The following RGSL1 variants were observed in gnomAD, a reference collection of about 807,000 sequenced individuals.
The protein encoded by RGSL1 is regulator of G protein signaling like 1, also known as regulator of G protein signaling protein-like.
Under a neutral mutation model 124.7 loss-of-function variants are expected in RGSL1, and 97 were observed. That is an observed-to-expected ratio of 0.78 (90% CI 0.66 to 0.92). The LOEUF (loss-of-function observed/expected upper bound fraction) is 0.92, where lower values mean the gene tolerates loss of function less well. Ranked by LOEUF, RGSL1 falls within the 40% of genes least tolerant of loss-of-function variation. The pLI, the probability that RGSL1 is intolerant of heterozygous loss-of-function variation, is 0.00. For synonymous variants in RGSL1, 424 were observed against 438.1 expected, an observed-to-expected ratio of 0.97 and a Z score of 0.40; for missense variants, 1,233 against 1,288.4, an observed-to-expected ratio of 0.96 and a Z score of 0.66.
At chr1:182,539,058 A>C (rs1416632368) in intron 14 of RGSL1, among the ~76,000 whole-genome samples, 1 of 152,174 alleles carries the variant, frequency 6.6e-6, no homozygotes, top group African/African-American at 2.4e-5. Flanking sequence ...AATATCCTGA[A>C]ATTTTGTGAG....
chr1:182,503,837 G>C (rs79017921), intron 9 of RGSL1, among the ~76,000 whole-genome samples: 7 of 151,988 alleles, frequency 4.6e-5, no homozygotes, highest in Non-Finnish European at 7.4e-5. Flanking sequence ...ATTATGTATT[G>C]CATGCCTGTA....
intron 9 of RGSL1, among the ~76,000 whole-genome samples, chr1:182,516,427 G>A (rs888382110): frequency 3.8e-4 from 58 of 152,160 alleles, no homozygotes; most frequent in African/African-American, 1.4e-3. Context: ...TTTAATTGCA[G>A]GATTGAGCTC....
At chr1:182,559,175 C>A (rs1295898203) in intron 21 of RGSL1, among the ~76,000 whole-genome samples, 3 of 152,208 alleles carry the variant, frequency 2.0e-5, no homozygotes, top group Non-Finnish European at 4.4e-5. Context: ...TTACAACGCA[C>A]TCTCCCATTT....
intron 9 of RGSL1, among the ~76,000 whole-genome samples, chr1:182,497,899 C>A (rs748899231): frequency 6.6e-6 from 1 of 152,080 alleles, no homozygotes; most frequent in South Asian, 2.1e-4. Flanking sequence ...GTTCCCACCC[C>A]TCTTTTTGTA....
At chr1:182,471,674 A>G (rs1020074525) in intron 4 of RGSL1, among the ~76,000 whole-genome samples, 4 of 152,184 alleles carry the variant, frequency 2.6e-5, no homozygotes, top group Non-Finnish European at 5.9e-5. Flanking sequence ...AACAAGAGCC[A>G]TAAGTCCCTG....
chr1:182,539,280 T>A (rs1255679882), intron 14 of RGSL1, among the ~76,000 whole-genome samples: 1 of 151,074 alleles, frequency 6.6e-6, no homozygotes, highest in Non-Finnish European at 1.5e-5. Context: ...TAGACTTTTT[T>A]TCCCTTCAAA....
intron 1 of RGSL1, among the ~76,000 whole-genome samples, chr1:182,452,456 C>T (rs1037999121): frequency 2.1e-5 from 3 of 142,224 alleles, no homozygotes; most frequent in Non-Finnish European, 4.6e-5. Context: ...TCTGGGTTTC[C>T]TTTTTTTTTT....
At chr1:182,534,613 A>G (rs1659415141) in intron 14 of RGSL1, among the ~76,000 whole-genome samples, 1 of 152,146 alleles carries the variant, frequency 6.6e-6, no homozygotes, top group African/African-American at 2.4e-5. Context: ...GGATCACTTG[A>G]GGTCGGGAAT....
At chr1:182,478,528 A>G (rs1405512207) in intron 6 of RGSL1, among the ~76,000 whole-genome samples, 1 of 152,162 alleles carries the variant, frequency 6.6e-6, no homozygotes, top group Non-Finnish European at 1.5e-5. Context: ...GAAAGAAATG[A>G]ACTCAAAGAC....
chr1:182,459,788 G>T (rs991271021), intron 3 of RGSL1, among the ~76,000 whole-genome samples: 1 of 152,128 alleles, frequency 6.6e-6, no homozygotes, highest in South Asian at 2.1e-4. Context: ...ATTTTCTACA[G>T]ATCCATTTAC....
intron 5 of RGSL1, 171 bp downstream of exon 5, chr1:182,472,728 A>C (rs1487065606): frequency 3.2e-6 from 2 of 616,294 alleles, no homozygotes; most frequent in African/African-American, 3.7e-5. Context: ...TGAAAGACAC[A>C]GTTGTCCTTA....
In RGSL1 at chr1:182,473,694, T is replaced by C. The variant is rs1268081167; in HGVS notation, c.583T>C (p.Tyr195His). 7 of 1,551,546 alleles carry C rather than the reference T, an allele frequency of 4.5e-6. No individual in the cohort carries two copies. The East Asian group carries it at 1.5e-4, about 33-fold the overall frequency. ...CCAGAGCTATTGGCTTCCCAACTTT[T>C]ACACCCACACCAAGATGACCATGGC... ...KLQSYWLPNF[Y>H]THTKMTMAKE... Residue 195 changes from tyrosine (Y) to histidine (H), a missense_variant, in exon 6 of 22, where the codon TAC becomes CAC. By Grantham distance (83) the Tyr-to-His change is moderately conservative. Transcript: ENST00000294854.
chr1:182,519,619 G>T (rs1232920758), intron 9 of RGSL1, among the ~76,000 whole-genome samples: 1 of 151,800 alleles, frequency 6.6e-6, no homozygotes, highest in East Asian at 1.9e-4. Context: ...TCTTTTTTCA[G>T]TTTTAGGGAA....
Position 182,560,318 on chromosome 1 carries a change from A to T in RGSL1, c.*205A>T, listed in dbSNP as rs919937340. On this transcript the variant is annotated 3_prime_UTR_variant, in exon 22 of 22. Coordinates refer to ENST00000294854, the MANE Select transcript of RGSL1 (RefSeq NM_001137669.2). ...CCATTCAGACTAAAGGGTGATGGAA[A>T]GAAGCAGAGGAAAGCAGAAACAGCA... The T allele has an allele frequency of 1.3e-5, 2 of 152,234 alleles. No individual in the cohort carries two copies. Among genetic ancestry groups the T allele is most frequent in the African/African-American group, 4.8e-5 (2 of 41,456 alleles). The allele number at this position is 152,234 out of a possible 1,614,324, so 9.4% of individuals were successfully genotyped here. A position where few individuals can be genotyped will look rare whatever the true frequency, so the allele number is the denominator to read the frequency against.
At chr1:182,454,603 T>C (rs1465053583) in intron 2 of RGSL1, among the ~76,000 whole-genome samples, 1 of 151,416 alleles carries the variant, frequency 6.6e-6, no homozygotes, top group Non-Finnish European at 1.5e-5. Context: ...TGTGTGTGTG[T>C]GTGTGTGTGT....
At chr1:182,458,108 A>G (rs543858136) in intron 2 of RGSL1, among the ~76,000 whole-genome samples, 1 of 152,362 alleles carries the variant, frequency 6.6e-6, no homozygotes, top group East Asian at 1.9e-4. Flanking sequence ...TGGTGGAGCC[A>G]AAAGATGAGT....
In RGSL1 at chr1:182,473,688, A is replaced by G; in HGVS notation, c.577A>G (p.Asn193Asp). 1 of 1,551,630 alleles carries G rather than the reference A, an allele frequency of 6.4e-7. No individual in the cohort carries two copies. The change falls in exon 6 of 22, where the codon AAC becomes GAC. Residue 193 changes from asparagine to aspartate, a missense_variant. Asn to Asp is a conservative substitution (Grantham distance 23). Coordinates refer to ENST00000294854, the MANE Select transcript of RGSL1 (RefSeq NM_001137669.2). ...CAAACTCCAGAGCTATTGGCTTCCC[A>G]ACTTTTACACCCACACCAAGATGAC... ...LFKLQSYWLP[N>D]FYTHTKMTMA...
intron 4 of RGSL1, among the ~76,000 whole-genome samples, chr1:182,470,665 C>T (rs1481412054): frequency 6.6e-6 from 1 of 152,078 alleles, no homozygotes; most frequent in Non-Finnish European, 1.5e-5. Context: ...TTATTGTGTG[C>T]CTGTCTCCTT....
At chr1:182,509,968 G>A (rs1281754145) in intron 9 of RGSL1, among the ~76,000 whole-genome samples, 65 of 128,914 alleles carry the variant, frequency 5.0e-4, no homozygotes, top group African/African-American at 5.8e-4. Context: ...CAGACAGGGC[G>A]GCCGGGCAGA....
Sources: allele counts gnomAD v4.1 joint callset (sites outside exome capture counted in the v4.1 genomes callset), GRCh38; gene constraint gnomAD v4.1.1; transcripts MANE v1.5; gene names NCBI Gene and HGNC (gene_info 2026-07-23, HGNC 2026-07-21).